The following SNX29 variants were observed in gnomAD, a reference collection of about 807,000 sequenced individuals.
The protein encoded by SNX29 is sorting nexin-29.
Under a neutral mutation model 102.1 loss-of-function variants are expected in SNX29, and 78 were observed. The ratio of observed to expected loss-of-function variants is 0.76; its 90% confidence interval spans 0.64 to 0.92. The LOEUF is 0.92. Among genes scored for constraint, SNX29 ranks in the 40% least tolerant of loss-of-function variants. The pLI, the probability that SNX29 is intolerant of heterozygous loss-of-function variation, is 0.00. For missense variants in SNX29, 1,280 were observed against 1,061.7 expected (o/e 1.21, Z -2.86); for synonymous variants, 580 against 414.5 (o/e 1.40, Z -4.85).
At chr16:12,519,614 C>T (rs1480604669) in intron 19 of SNX29, among the ~76,000 whole-genome samples, 1 of 152,124 alleles carries the variant, frequency 6.6e-6, no homozygotes, top group Non-Finnish European at 1.5e-5. Context: ...AAAATGATGA[C>T]ACAAATATGG....
intron 20 of SNX29, among the ~76,000 whole-genome samples, chr16:12,548,635 T>A (rs911894184): frequency 2.0e-5 from 3 of 152,182 alleles, no homozygotes; most frequent in Non-Finnish European, 4.4e-5. Flanking sequence ...AAGAGGCTCT[T>A]CAGGGGCCTC....
chr16:12,129,716 A>C lies in SNX29; in HGVS notation c.1553A>C (p.Glu518Ala). ...GACACCTTGAAAAGGAAGGTGGCTG[A>C]ACAGGAGGAGCGGCAGGGCATGAAG... ...EVDTLKRKVA[E>A]QEERQGMKVQ... Residue 518 changes from glutamate to alanine, a missense_variant, in exon 13 of 21, where the codon GAA becomes GCA. Physicochemically the swap from Glu to Ala is moderately radical, Grantham distance 107. Coordinates refer to ENST00000566228, the MANE Select transcript of SNX29 (RefSeq NM_032167.5). 6.2e-7 allele frequency: 1 copy of C among 1,610,726 alleles called. No homozygotes were observed. The highest frequency in any genetic ancestry group is 1.3e-5 in the African/African-American group (1 of 74,964).
chr16:12,132,679 A>G (rs752707880), intron 13 of SNX29, among the ~76,000 whole-genome samples: 5 of 152,236 alleles, frequency 3.3e-5, no homozygotes, highest in East Asian at 1.9e-4. Flanking sequence ...ATTTTATCCC[A>G]TAGATGGGGT....
In SNX29 at chr16:12,534,479, C is replaced by A. The variant is rs529680909; in HGVS notation, c.2318+9638C>A. The stretch of plus-strand genomic sequence containing the variant: ...TTAGGGAGGCTTTGGTTTTTGTTTT[C>A]GGGGTTTGTTTTGCTTTTAGCAGCT... On this transcript the variant is annotated intron_variant, in intron 20 of 20. Coordinates refer to ENST00000566228, the MANE Select transcript of SNX29 (RefSeq NM_032167.5). Among the ~76,000 whole-genome samples, 13 of 152,228 alleles carry A rather than the reference C, an allele frequency of 8.5e-5. No homozygotes were observed. In the South Asian group the frequency reaches 2.7e-3, roughly 32 times the overall value.
intron 14 of SNX29, among the ~76,000 whole-genome samples, chr16:12,255,952 A>G (rs1002671383): frequency 7.2e-5 from 11 of 152,222 alleles, no homozygotes; most frequent in Non-Finnish European, 1.6e-4. Context: ...AGGACCCTCC[A>G]TGCTGTTTTC....
chr16:12,219,566 C>T (rs564034502), intron 14 of SNX29, among the ~76,000 whole-genome samples: 1 of 152,264 alleles, frequency 6.6e-6, no homozygotes, highest in Admixed American at 6.5e-5. Context: ...TCTGGAATGC[C>T]GTGGTGTACT....
At chr16:12,254,498 AGGCGT>A (rs758670004) in intron 14 of SNX29, among the ~76,000 whole-genome samples, 9 of 152,100 alleles carry the variant, frequency 5.9e-5, no homozygotes, top group Non-Finnish European at 1.2e-4. Flanking sequence ...AAAATGAGTC[AGGCGT>A]GGTGGTGCGC....
intron 16 of SNX29, among the ~76,000 whole-genome samples, chr16:12,379,569 A>C (rs1403125174): frequency 6.6e-6 from 1 of 152,228 alleles, no homozygotes; most frequent in African/African-American, 2.4e-5. Flanking sequence ...ACATCTTCTC[A>C]AAGAGTCATC....
At chr16:12,201,188 A>T (rs942330656) in intron 14 of SNX29, among the ~76,000 whole-genome samples, 2 of 152,048 alleles carry the variant, frequency 1.3e-5, no homozygotes, top group African/African-American at 4.8e-5. Flanking sequence ...AGAATTAATC[A>T]TCTTTCTCTG....
chr16:12,272,676 T>C (rs547525389), intron 14 of SNX29, among the ~76,000 whole-genome samples: 1 of 152,256 alleles, frequency 6.6e-6, no homozygotes, highest in Non-Finnish European at 1.5e-5. Flanking sequence ...TGCAGGTACA[T>C]AGATAAAGTC....
chr16:12,014,997 C>T (rs1056627810), intron 3 of SNX29, among the ~76,000 whole-genome samples: 1 of 151,776 alleles, frequency 6.6e-6, no homozygotes, highest in Middle Eastern at 3.4e-3. Context: ...GGGGGAGGGT[C>T]CCGTTTTTTC....
chr16:12,448,032 C>G (rs545793662), intron 18 of SNX29, among the ~76,000 whole-genome samples: 1 of 152,242 alleles, frequency 6.6e-6, no homozygotes, highest in South Asian at 2.1e-4. Flanking sequence ...GTGGCGTTCC[C>G]GGGATTGTGC....
chr16:12,357,143 T>G (rs1202449476), intron 16 of SNX29, among the ~76,000 whole-genome samples: 2 of 152,230 alleles, frequency 1.3e-5, no homozygotes, highest in Non-Finnish European at 2.9e-5. Context: ...TTTTACAACT[T>G]CTTTATTATG....
chr16:12,257,906 T>G (rs2078622735), intron 14 of SNX29, among the ~76,000 whole-genome samples: 1 of 152,196 alleles, frequency 6.6e-6, no homozygotes, highest in Non-Finnish European at 1.5e-5. Context: ...AGACTTTGTC[T>G]CTGATTTACA....
chr16:12,196,936 G>T (rs2076790710), intron 13 of SNX29, among the ~76,000 whole-genome samples: 1 of 152,082 alleles, frequency 6.6e-6, no homozygotes, highest in African/African-American at 2.4e-5. Flanking sequence ...TGATTTTTAG[G>T]TGGAATCTTA....
intron 14 of SNX29, among the ~76,000 whole-genome samples, chr16:12,203,398 G>A (rs1351289048): frequency 7.9e-5 from 12 of 151,098 alleles, no homozygotes; most frequent in Admixed American, 1.3e-4. Flanking sequence ...GTATAGTGTG[G>A]CCCTGATGTC....
chr16:12,128,148 T>C (rs1385371964), intron 12 of SNX29, among the ~76,000 whole-genome samples: 1 of 152,226 alleles, frequency 6.6e-6, no homozygotes, highest in Non-Finnish European at 1.5e-5. Context: ...ACCGCACCAT[T>C]TTCCAAGTAG....
chr16:12,321,543 CG>C (rs914239725), intron 15 of SNX29, among the ~76,000 whole-genome samples: 2 of 152,126 alleles, frequency 1.3e-5, no homozygotes, highest in African/African-American at 2.4e-5. Context: ...TTTGAGAGAG[CG>C]GGGGGAGGAG....
chr16:12,543,122 TATAG>T (rs1481224157), intron 20 of SNX29, among the ~76,000 whole-genome samples: 2 of 152,182 alleles, frequency 1.3e-5, no homozygotes, highest in Non-Finnish European at 2.9e-5. Flanking sequence ...CTGCGTATCT[TATAG>T]ATGGTTTAGA....
Sources: gnomAD v4.1 joint callset for allele counts (sites outside exome capture counted in the v4.1 genomes callset) on GRCh38, gnomAD v4.1.1 for gene constraint, MANE v1.5 for transcripts, NCBI Gene and HGNC (gene_info 2026-07-23, HGNC 2026-07-21) for gene names.